The following CORO7 variants were observed in gnomAD, a reference collection of about 807,000 sequenced individuals.
CORO7 encodes coronin-7.
A neutral mutation model predicts 126.6 loss-of-function variants in CORO7; 107 were observed. The observed-to-expected ratio is 0.85, with a 90% confidence interval of 0.72 to 0.99. The LOEUF is 0.99. Among genes scored for constraint, CORO7 ranks in the 50% least tolerant of loss-of-function variants. The pLI, the probability that CORO7 is intolerant of heterozygous loss-of-function variation, is 0.00. For synonymous variants in CORO7, 603 were observed against 536.8 expected, an observed-to-expected ratio of 1.12 and a Z score of -1.70; for missense variants, 1,314 against 1,255.8, an observed-to-expected ratio of 1.05 and a Z score of -0.70.
chr16:4,358,012 C>G lies in CORO7; in HGVS notation c.2549G>C (p.Gly850Ala). The change falls in exon 25 of 28, where the codon GGG (glycine) becomes GCG (alanine). Residue 850 changes from glycine (G) to alanine (A), a missense_variant. Coordinates refer to ENST00000251166, the MANE Select transcript of CORO7 (RefSeq NM_024535.5). ...CTGCAGGCTGAGAAGCCAGGGCTGC[C>G]CATTAGCGCCTTGCAGCCAGGCCTC... Reference protein sequence around the residue: ...SAEAWLQGANGQPWLLSLQPP... With the variant: ...SAEAWLQGANAQPWLLSLQPP... The G allele has an allele frequency of 6.2e-7, 1 of 1,612,464 alleles. No homozygotes were observed. The highest frequency in any genetic ancestry group is 8.5e-7 in the Non-Finnish European group (1 of 1,178,934).
intron 9 of CORO7, among the ~76,000 whole-genome samples, chr16:4,386,133 G>A (rs2055185444): frequency 6.6e-6 from 1 of 152,188 alleles, no homozygotes; most frequent in South Asian, 2.1e-4. Flanking sequence ...ATGGGGGCTG[G>A]CAGAGCAGGG....
At chr16:4,356,023 G>A (rs1345165173) in intron 26 of CORO7, among the ~76,000 whole-genome samples, 11 of 152,104 alleles carry the variant, frequency 7.2e-5, no homozygotes, top group Admixed American at 5.9e-4. Context: ...GCACAATCTC[G>A]GCTCACCACA....
intron 26 of CORO7, 169 bp downstream of exon 26, chr16:4,356,999 A>C: frequency 2.2e-6 from 2 of 917,342 alleles, no homozygotes; most frequent in South Asian, 1.6e-5. Context: ...CCCGGGCCCC[A>C]TGGTCAGTGG....
At chr16:4,382,735 G>A (rs950197564) in intron 9 of CORO7, 3 of 1,554,384 alleles carry the variant, frequency 1.9e-6, no homozygotes, top group African/African-American at 2.7e-5. Context: ...GCCAGGGGCT[G>A]GGCCCCTGGA....
rs147722754 is a variant in CORO7 at position 4,376,175 on chromosome 16, C to G, written c.786-10630G>C. On this transcript the variant is annotated intron_variant, in intron 9 of 27. Transcript: ENST00000251166. ...CCCCTTCTGTGAGGGCCCACGACCC[C>G]TGACCTCTCTGCCCTGCCCTTGGGA... Among the ~76,000 whole-genome samples, 186 of 152,326 alleles carry G rather than the reference C, an allele frequency of 1.2e-3. 1 individual carries two copies. The highest frequency in any genetic ancestry group is 2.1e-3 in the Non-Finnish European group (143 of 68,010).
chr16:4,404,180 C>T (rs1180327469), intron 6 of CORO7, among the ~76,000 whole-genome samples: 2 of 152,238 alleles, frequency 1.3e-5, no homozygotes, highest in African/African-American at 4.8e-5. Flanking sequence ...ATGCTCAGGT[C>T]TGGTAGGCCT....
chr16:4,379,351 C>T (rs113192576), intron 9 of CORO7, among the ~76,000 whole-genome samples: 3 of 152,054 alleles, frequency 2.0e-5, no homozygotes, highest in Non-Finnish European at 2.9e-5. Flanking sequence ...ACGGCCCCAG[C>T]GGTCTCCCCA....
intron 9 of CORO7, among the ~76,000 whole-genome samples, chr16:4,387,540 C>A (rs2055235033): frequency 6.6e-6 from 1 of 150,916 alleles, no homozygotes; most frequent in African/African-American, 2.4e-5. Context: ...CCACCTCCAC[C>A]TCCACCTCCA....
intron 10 of CORO7, 89 bp downstream of exon 10, chr16:4,365,402 C>A (rs1596281741): frequency 2.6e-6 from 4 of 1,523,546 alleles, no homozygotes. Context: ...ACACAGAGGC[C>A]CTGTTCGAGT....
intron 6 of CORO7, among the ~76,000 whole-genome samples, chr16:4,399,499 G>A (rs904156817): frequency 3.9e-5 from 6 of 152,180 alleles, no homozygotes; most frequent in African/African-American, 1.4e-4. Context: ...CGGGAGGTAG[G>A]GCAAAGGGGA....
intron 10 of CORO7, 48 bp from the exon 11 acceptor site, chr16:4,365,108 G>T: frequency 1.3e-6 from 2 of 1,559,054 alleles, no homozygotes; most frequent in Non-Finnish European, 1.7e-6. Context: ...AACCCCTGGG[G>T]AGGGCCCAGG....
At chr16:4,394,395 G>A (rs1490639841) in intron 7 of CORO7, among the ~76,000 whole-genome samples, 1 of 150,300 alleles carries the variant, frequency 6.7e-6, no homozygotes, top group Non-Finnish European at 1.5e-5. Flanking sequence ...CTTGCAGTGA[G>A]CCGAGATCAC....
At chr16:4,414,348 A>C (rs2056330101) in intron 1 of CORO7, 1 of 152,038 alleles carries the variant, frequency 6.6e-6, no homozygotes, top group African/African-American at 2.4e-5. Flanking sequence ...AAACACCCCC[A>C]CCCAAGGGGA....
chr16:4,391,833 C>T (rs1273045596), intron 7 of CORO7, among the ~76,000 whole-genome samples: 8 of 152,236 alleles, frequency 5.3e-5, no homozygotes, highest in Non-Finnish European at 1.2e-4. Flanking sequence ...CATCCTGCTA[C>T]CCTGCAGCCC....
chr16:4,355,274 C>T lies in CORO7; in HGVS notation c.2772+12G>A, dbSNP rs776088019. On this transcript the variant is annotated intron_variant, in intron 27 of 27. Coordinates refer to ENST00000251166, the MANE Select transcript of CORO7 (RefSeq NM_024535.5). Reference sequence around the variant, plus strand: ...CGCTGCCTGCCGGGAAGTGAGGCCACTCACTACTCACCCACTCGTCCTCGT... The same window carrying T: ...CGCTGCCTGCCGGGAAGTGAGGCCATTCACTACTCACCCACTCGTCCTCGT... 1.9e-6 allele frequency: 3 copies of T among 1,613,276 alleles called. No individual in the cohort carries two copies. Among genetic ancestry groups the T allele is most frequent in the South Asian group, 1.1e-5 (1 of 90,900 alleles).
rs139029570 is a variant in CORO7 at position 4,377,446 on chromosome 16, C to T, written c.785+10540G>A. On this transcript the variant is annotated intron_variant, in intron 9 of 27. Transcript: ENST00000251166. ...AGCACACGCCCAGACCCCAGGCGGGCGGGACAGCTCCCAGAACTTGTTAAA... is the reference window on the plus strand; with the variant it reads ...AGCACACGCCCAGACCCCAGGCGGGTGGGACAGCTCCCAGAACTTGTTAAA... 2.0e-3 allele frequency among the ~76,000 whole-genome samples: 307 copies of T among 152,184 alleles called. 2 individuals carry two copies. Among genetic ancestry groups the T allele is most frequent in the African/African-American group, 6.8e-3 (283 of 41,492 alleles).
chr16:4,388,422 C>A (rs1055362958), intron 8 of CORO7, 123 bp downstream of exon 8: 1 of 1,087,870 alleles, frequency 9.2e-7, no homozygotes, highest in Non-Finnish European at 1.3e-6. Flanking sequence ...ACAGCCAGGC[C>A]GTATATGGAC....
chr16:4,407,432 C>T, intron 5 of CORO7, 69 bp downstream of exon 5: 1 of 1,507,842 alleles, frequency 6.6e-7, no homozygotes, highest in Non-Finnish European at 8.9e-7. Context: ...ACTAAACATG[C>T]CAACAAAGAA....
chr16:4,354,972 C>T lies in CORO7; in HGVS notation c.*186G>A. 1 of 561,246 alleles carries T rather than the reference C, an allele frequency of 1.8e-6. No individual in the cohort carries two copies. The highest frequency in any genetic ancestry group is 4.9e-4 in the Middle Eastern group (1 of 2,038). 34.8% of individuals were successfully genotyped at this position (561,246 alleles called of 1,614,324 possible). On this transcript the variant is annotated 3_prime_UTR_variant, in exon 28 of 28. Transcript: ENST00000251166. The stretch of plus-strand genomic sequence containing the variant: ...GAGCAGCAGCTGACCCCAGAGACAG[C>T]AGAGGTGAAAACAGTCCCTGGGAAC...
Sources: allele counts gnomAD v4.1 joint callset (sites outside exome capture counted in the v4.1 genomes callset), GRCh38; gene constraint gnomAD v4.1.1; transcripts MANE v1.5; gene names NCBI Gene and HGNC (gene_info 2026-07-23, HGNC 2026-07-21).